DENND6A: variants seen among roughly 807,000 people sequenced by gnomAD.
DENND6A encodes the protein DENN domain containing 6A, also known as protein DENND6A.
Under a neutral mutation model 95.5 loss-of-function variants are expected in DENND6A, and 43 were observed. The ratio of observed to expected loss-of-function variants is 0.45; its 90% confidence interval spans 0.35 to 0.58. DENND6A has a LOEUF of 0.58. DENND6A is among the 20% of genes least tolerant of loss of function. The probability of loss-of-function intolerance (pLI) is 0.00; values close to 1 mark genes in which losing one functional copy is unlikely to be tolerated. For missense variants in DENND6A, 574 were observed against 736.0 expected, an observed-to-expected ratio of 0.78 and a Z score of 2.55; for synonymous variants, 257 against 260.4, an observed-to-expected ratio of 0.99 and a Z score of 0.13.
At chr3:57,649,034 TG>T (rs1251397027) in intron 9 of DENND6A, among the ~76,000 whole-genome samples, 19 of 152,116 alleles carry the variant, frequency 1.2e-4, no homozygotes, top group African/African-American at 3.9e-4. Flanking sequence ...ATTTTGCTTC[TG>T]TACAGCAAAA....
At chr3:57,671,386 C>G (rs754269344) in intron 3 of DENND6A, among the ~76,000 whole-genome samples, 2 of 151,830 alleles carry the variant, frequency 1.3e-5, no homozygotes, top group Non-Finnish European at 2.9e-5. Context: ...AAAAATTAGC[C>G]GGGACTGGTG....
chr3:57,692,683 G>T, intron 1 of DENND6A, 99 bp downstream of exon 1: 1 of 1,141,584 alleles, frequency 8.8e-7, no homozygotes, highest in Non-Finnish European at 1.2e-6. Flanking sequence ...GATGCGCCGC[G>T]GACAGGGTCC....
In DENND6A at chr3:57,657,705, T is replaced by C; in HGVS notation, c.793A>G (p.Thr265Ala). Residue 265 changes from threonine to alanine, a missense_variant, in exon 9 of 20, where the codon ACT becomes GCT. Physicochemically the swap from Thr to Ala is moderately conservative, Grantham distance 58 (BLOSUM62 0). This residue lies in a region of DENND6A where 452 missense variants were observed against 630.9 expected (regional missense o/e 0.72). Coordinates refer to ENST00000311128, the MANE Select transcript of DENND6A (RefSeq NM_152678.3). ...VDTNISVILP[T>A]VHEVDIFRCF... ...CTGAAAATATCCACCTCATGAACAG[T>C]AGGTAAAATAACAGATATATTTGTG... 6.3e-7 allele frequency: 1 copy of C among 1,583,788 alleles called. No individual in the cohort carries two copies. The highest frequency in any genetic ancestry group is 8.6e-7 in the Non-Finnish European group (1 of 1,160,496).
At chr3:57,681,146 T>C (rs1447772285) in intron 1 of DENND6A, among the ~76,000 whole-genome samples, 2 of 152,086 alleles carry the variant, frequency 1.3e-5, no homozygotes, top group Non-Finnish European at 2.9e-5. Context: ...CTGGACAACA[T>C]AGTGAGACTC....
chr3:57,684,151 CA>C (rs35147242), intron 1 of DENND6A, among the ~76,000 whole-genome samples: 6 of 79,128 alleles, frequency 7.6e-5, no homozygotes, highest in African/African-American at 1.6e-4. Flanking sequence ...GACTCCGTCT[CA>C]AAAAAAAAAA....
chr3:57,672,292 T>C lies in DENND6A; in HGVS notation c.283A>G (p.Asn95Asp), dbSNP rs2071631081. The C allele has an allele frequency of 2.5e-6, 4 of 1,610,324 alleles. No homozygotes were observed. Among genetic ancestry groups the C allele is most frequent in the African/African-American group, 1.3e-5 (1 of 74,834 alleles). ...HSKLTDREKT[N>D]ICYLSFPDSN... ...TCTGGAAAAGACAAATAGCAAATATTGGTTTTCTGAAAAAGAAAACAAAAG... is the reference window on the plus strand; with the variant it reads ...TCTGGAAAAGACAAATAGCAAATATCGGTTTTCTGAAAAAGAAAACAAAAG... The change falls in exon 3 of 20, where the codon AAT becomes GAT. Residue 95 changes from asparagine to aspartate, a missense_variant. Physicochemically the swap from Asn to Asp is conservative, Grantham distance 23 (BLOSUM62 1). Transcript: ENST00000311128.
In DENND6A at chr3:57,649,038, C is replaced by G. The variant is rs866814117; in HGVS notation, c.819-2600G>C. ...AGATGGGACTTATTTTGCTTCTGTA[C>G]AGCAAAAGAAATAATCAGCAGAGTA... On this transcript the variant is annotated intron_variant, in intron 9 of 19. Transcript: ENST00000311128. Among the ~76,000 whole-genome samples the G allele has an allele frequency of 3.9e-5, 6 of 152,042 alleles. No homozygotes were observed. The South Asian group carries it at 1.0e-3, about 26-fold the overall frequency.
At chr3:57,689,715 A>T (rs147383042) in intron 1 of DENND6A, among the ~76,000 whole-genome samples, 16 of 152,298 alleles carry the variant, frequency 1.1e-4, no homozygotes, top group African/African-American at 3.1e-4. Flanking sequence ...GAAGTGAGTT[A>T]AAGATTCACT....
chr3:57,662,674 A>T (rs1041246739), intron 5 of DENND6A, among the ~76,000 whole-genome samples: 1 of 152,112 alleles, frequency 6.6e-6, no homozygotes, highest in Non-Finnish European at 1.5e-5. Flanking sequence ...TAAAATGTAA[A>T]ACTTAAGTGG....
intron 5 of DENND6A, among the ~76,000 whole-genome samples, chr3:57,662,188 T>TC (rs2071435547): frequency 1.7e-5 from 2 of 119,870 alleles, no homozygotes; most frequent in African/African-American, 6.3e-5. Context: ...CTTTTTTCTT[T>TC]TTTTTTTTTT....
intron 1 of DENND6A, among the ~76,000 whole-genome samples, chr3:57,687,458 A>AGCAGCAAGGACTGATAGAGAGCT (rs2077221032): frequency 6.6e-6 from 1 of 152,260 alleles, no homozygotes; most frequent in African/African-American, 2.4e-5. Flanking sequence ...TGCAAGGTGA[A>AGCAGCAAGGACTGATAGAGAGCT]GCAGCAAGGA....
chr3:57,692,959 C>T lies in DENND6A; in HGVS notation c.60G>A (p.Ala20=), dbSNP rs1289919933. The change falls in exon 1 of 20, where the codon GCG becomes GCA. Residue 20 remains alanine (A), a synonymous_variant. Transcript: ENST00000311128. The part of the protein sequence containing the change: ...GPGSRRPLDE[A]VAGAEGREAP... Reference sequence around the variant, plus strand: ...CCTCGCGGCCCTCGGCCCCTGCCACCGCTTCGTCCAACGGCCTTCGAGAGC... The same window carrying T: ...CCTCGCGGCCCTCGGCCCCTGCCACTGCTTCGTCCAACGGCCTTCGAGAGC... 2 of 1,545,526 alleles carry T rather than the reference C, an allele frequency of 1.3e-6. No homozygotes were observed. The highest frequency in any genetic ancestry group is 1.9e-5 in the Admixed American group (1 of 51,718).
chr3:57,640,958 T>C (rs937253363), intron 12 of DENND6A, among the ~76,000 whole-genome samples: 1 of 151,898 alleles, frequency 6.6e-6, no homozygotes, highest in Non-Finnish European at 1.5e-5. Flanking sequence ...CTTTTCCATA[T>C]GAAAAGACAC....
chr3:57,674,405 G>A (rs2071673654), intron 1 of DENND6A, among the ~76,000 whole-genome samples: 1 of 149,250 alleles, frequency 6.7e-6, no homozygotes, highest in African/African-American at 2.5e-5. Context: ...GGCCGAGGCA[G>A]GTGGATCACA....
chr3:57,684,362 C>A (rs971862953), intron 1 of DENND6A, among the ~76,000 whole-genome samples: 10 of 151,890 alleles, frequency 6.6e-5, no homozygotes, highest in Admixed American at 5.2e-4. Flanking sequence ...ACTTAGGAGG[C>A]TGAGGCAGGA....
At chr3:57,642,452 TGA>T (rs1047734411) in intron 11 of DENND6A, among the ~76,000 whole-genome samples, 4 of 151,028 alleles carry the variant, frequency 2.6e-5, no homozygotes, top group African/African-American at 9.8e-5. Flanking sequence ...GCCAAGTGGA[TGA>T]GAGAGGGAAG....
chr3:57,678,290 T>C (rs934269873), intron 1 of DENND6A, among the ~76,000 whole-genome samples: 3 of 152,218 alleles, frequency 2.0e-5, no homozygotes, highest in Non-Finnish European at 2.9e-5. Flanking sequence ...AGCACATAAA[T>C]GCCTTGATAA....
chr3:57,654,449 C>T (rs530924525), intron 9 of DENND6A, among the ~76,000 whole-genome samples: 4 of 152,218 alleles, frequency 2.6e-5, no homozygotes, highest in East Asian at 1.9e-4. Flanking sequence ...TCAGCCAATG[C>T]GGTAGAAAGC....
Position 57,670,555 on chromosome 3 carries a change from T to C in DENND6A, c.319+1701A>G, listed in dbSNP as rs909582405. The stretch of plus-strand genomic sequence containing the variant: ...TCAGAATTTTCTCCTCTTCCTGGTA[T>C]GGGAAAGGGAAGGGGTGACACCTTC... On this transcript the variant is annotated intron_variant, in intron 3 of 19. Transcript: ENST00000311128. Among the ~76,000 whole-genome samples the C allele has an allele frequency of 5.9e-5, 9 of 152,110 alleles. No homozygotes were observed. In the South Asian group the frequency reaches 6.2e-4, roughly 11 times the overall value.
Sources: allele counts gnomAD v4.1 joint callset (sites outside exome capture counted in the v4.1 genomes callset), GRCh38; gene constraint gnomAD v4.1.1; regional missense constraint gnomAD v4.1.1; transcripts MANE v1.5; gene names NCBI Gene and HGNC (gene_info 2026-07-23, HGNC 2026-07-21).